CCN4: variants seen among roughly 807,000 people sequenced by gnomAD.
CCN4 encodes CCN family member 4.
Under a neutral mutation model 36.7 loss-of-function variants are expected in CCN4, and 30 were observed. The observed-to-expected ratio is 0.82, with a 90% CI of 0.61 to 1.11. The LOEUF (loss-of-function observed/expected upper bound fraction) is 1.11, where lower values mean the gene tolerates loss of function less well. Among genes scored for constraint, CCN4 ranks in the 50% least tolerant of loss-of-function variants. CCN4 has a pLI of 0.00. For missense variants in CCN4, 505 were observed against 504.9 expected (o/e 1.00, Z 0.00); for synonymous variants, 191 against 195.4 (o/e 0.98, Z 0.19).
At chr8:133,214,176 C>T (rs1156732154) in intron 2 of CCN4, among the ~76,000 whole-genome samples, 1 of 143,144 alleles carries the variant, frequency 7.0e-6, no homozygotes, top group Non-Finnish European at 1.5e-5. Context: ...ATAATTGCTA[C>T]TATAAAATGT....
At chr8:133,223,402 C>G (rs1166734943) in intron 3 of CCN4, among the ~76,000 whole-genome samples, 2 of 152,218 alleles carry the variant, frequency 1.3e-5, no homozygotes, top group Admixed American at 6.5e-5. Context: ...CCCTGCCCCT[C>G]CTGTCCTTGG....
rs758382879 is a variant in CCN4 at position 133,220,561 on chromosome 8, C to T, written c.350-20C>T. ...GGGGCACCAAGGCCACTGGGCCTGA[C>T]CGGCCACCTGTGTTTGCAGAGGTGG... is the stretch of plus-strand genomic sequence containing the variant. On this transcript the variant is annotated intron_variant, in intron 2 of 4. Coordinates refer to ENST00000250160, the MANE Select transcript of CCN4 (RefSeq NM_003882.4). The T allele has an allele frequency of 6.2e-7, 1 of 1,604,348 alleles. No homozygotes were observed. The highest frequency in any genetic ancestry group is 2.2e-5 in the East Asian group (1 of 44,542).
chr8:133,230,613 T>G lies in CCN4; in HGVS notation c.*2903T>G, dbSNP rs1485363929. Reference sequence around the variant, plus strand: ...CAGACCAAATAGATCATCACCTCTGTGGTCCCTTGTTAACTATATGTTCTG... The same window carrying G: ...CAGACCAAATAGATCATCACCTCTGGGGTCCCTTGTTAACTATATGTTCTG... On this transcript the variant is annotated 3_prime_UTR_variant, in exon 5 of 5. Transcript: ENST00000250160. 1 of 152,222 alleles carries G rather than the reference T, an allele frequency of 6.6e-6. No homozygotes were observed. Among genetic ancestry groups the G allele is most frequent in the African/African-American group, 2.4e-5 (1 of 41,456 alleles). The allele number at this position is 152,222 out of a possible 1,614,324, so 9.4% of individuals were successfully genotyped here. A position where few individuals can be genotyped will look rare whatever the true frequency, so the allele number is the denominator to read the frequency against.
chr8:133,215,855 G>C (rs931920404), intron 2 of CCN4, among the ~76,000 whole-genome samples: 26 of 152,166 alleles, frequency 1.7e-4, no homozygotes, highest in African/African-American at 6.3e-4. Context: ...GAAATTCTCA[G>C]AGGCTTCAAA....
chr8:133,195,081 CTT>C (rs1853325333), intron 1 of CCN4, among the ~76,000 whole-genome samples: 1 of 118,588 alleles, frequency 8.4e-6, no homozygotes, highest in Admixed American at 8.9e-5. Context: ...ATGTAGTGTG[CTT>C]GTGTGTGTGT....
Position 133,213,131 on chromosome 8 carries a change from G to A in CCN4, c.337G>A (p.Gly113Arg). Reference protein sequence around the residue: ...YSGDRPRYAIGVCAQVVGVGC... With the variant: ...YSGDRPRYAIRVCAQVVGVGC... ...CGGGGACCGCCCGAGGTACGCAATA[G>A]GAGTGTGTGCACGTAAGTGAGTCCT... The change falls in exon 2 of 5, where the codon GGA becomes AGA. Residue 113 changes from glycine to arginine, a missense_variant. Transcript: ENST00000250160. 3 of 1,584,706 alleles carry A rather than the reference G, an allele frequency of 1.9e-6. No individual in the cohort carries two copies. The highest frequency in any genetic ancestry group is 2.6e-6 in the Non-Finnish European group (3 of 1,167,996).
At chr8:133,205,375 CT>C (rs937875315) in intron 1 of CCN4, among the ~76,000 whole-genome samples, 38 of 152,250 alleles carry the variant, frequency 2.5e-4, no homozygotes, top group Non-Finnish European at 2.9e-4. Flanking sequence ...TTGTCTTTGT[CT>C]TTTTTTTCCC....
chr8:133,194,647 G>A lies in CCN4; in HGVS notation c.69+3434G>A, dbSNP rs114278040. Reference sequence around the variant, plus strand: ...TGTGTGGGGTGTGTGGGGTGTGTGCGTGTGTGCGTGTGTGGTGGGGGATGT... The same window carrying A: ...TGTGTGGGGTGTGTGGGGTGTGTGCATGTGTGCGTGTGTGGTGGGGGATGT... On this transcript the variant is annotated intron_variant, in intron 1 of 4. Transcript: ENST00000250160. Among the ~76,000 whole-genome samples the A allele has an allele frequency of 6.3e-3, 662 of 105,736 alleles. 4 individuals are homozygous for A. Among genetic ancestry groups the A allele is most frequent in the African/African-American group, 0.022 (589 of 26,950 alleles). 69.4% of individuals were successfully genotyped at this position (105,736 alleles called of 152,430 possible).
intron 3 of CCN4, among the ~76,000 whole-genome samples, chr8:133,221,055 A>G (rs1255798349): frequency 6.6e-6 from 1 of 152,262 alleles, no homozygotes; most frequent in Admixed American, 6.5e-5. Flanking sequence ...GGATCCTCCC[A>G]GCATAAAATG....
At chr8:133,215,781 C>G (rs555620627) in intron 2 of CCN4, among the ~76,000 whole-genome samples, 1 of 152,112 alleles carries the variant, frequency 6.6e-6, no homozygotes, top group South Asian at 2.1e-4. Context: ...TTACGCCTAC[C>G]AGTGGTTCCC....
rs144510130 is a variant in CCN4, at chr8:133,224,660, C to T, written c.611-730C>T. Among the ~76,000 whole-genome samples the T allele has an allele frequency of 4.5e-3, 689 of 152,028 alleles. 8 individuals are homozygous for T. Among genetic ancestry groups the T allele is most frequent in the African/African-American group, 0.015 (609 of 41,478 alleles). On this transcript the variant is annotated intron_variant, in intron 3 of 4. Coordinates refer to ENST00000250160, the MANE Select transcript of CCN4 (RefSeq NM_003882.4). ...TTTAAAACTCTTATTCCTGGTCAGGCGTGGTGGCTTATGCCTGTAATCCCA... is the reference window on the plus strand; with the variant it reads ...TTTAAAACTCTTATTCCTGGTCAGGTGTGGTGGCTTATGCCTGTAATCCCA...
chr8:133,217,699 C>T (rs1477564841), intron 2 of CCN4, among the ~76,000 whole-genome samples: 2 of 152,116 alleles, frequency 1.3e-5, no homozygotes, highest in African/African-American at 2.4e-5. Flanking sequence ...ACCTGGGGAA[C>T]TTTTAAAATA....
At position 133,213,268 on chromosome 8, in the gene CCN4, C is replaced by A. The variant is rs1854134324; in HGVS notation, c.349+125C>A. 7 of 1,211,148 alleles carry A rather than the reference C, an allele frequency of 5.8e-6. No homozygotes were observed. The South Asian group carries it at 1.1e-4, about 18-fold the overall frequency. 75.0% of individuals were successfully genotyped at this position (1,211,148 alleles called of 1,614,324 possible). On this transcript the variant is annotated intron_variant, in intron 2 of 4. Transcript: ENST00000250160. ...AGGCTTCCGTTCAGCAGGAGATACA[C>A]CCCATGATCAGAGGCCAGAGGCTGG... is the stretch of plus-strand genomic sequence containing the variant.
chr8:133,220,471 G>A (rs1427623824), intron 2 of CCN4, 110 bp from the exon 3 acceptor site: 2 of 1,479,228 alleles, frequency 1.4e-6, no homozygotes, highest in African/African-American at 2.8e-5. Context: ...CTCCATGCTG[G>A]GAGCCATCCC....
intron 1 of CCN4, among the ~76,000 whole-genome samples, chr8:133,207,432 T>C (rs537488830): frequency 6.6e-6 from 1 of 152,336 alleles, no homozygotes; most frequent in South Asian, 2.1e-4. Flanking sequence ...ATGAAATATT[T>C]GTTTTGCTCA....
At chr8:133,217,936 C>CACACACACACACACACACACACA (rs1854381190) in intron 2 of CCN4, among the ~76,000 whole-genome samples, 1 of 144,432 alleles carries the variant, frequency 6.9e-6, no homozygotes, top group East Asian at 2.1e-4. Flanking sequence ...ACTCCCTTCT[C>CACACACACACACACACACACACA]CACACACACA....
intron 2 of CCN4, 83 bp downstream of exon 2, chr8:133,213,226 C>G: frequency 1.3e-6 from 2 of 1,487,396 alleles, no homozygotes; most frequent in South Asian, 2.5e-5. Flanking sequence ...GGCACCCCCA[C>G]AGCCTTTCAC....
chr8:133,202,084 T>G (rs1420185841), intron 1 of CCN4, among the ~76,000 whole-genome samples: 1 of 152,214 alleles, frequency 6.6e-6, no homozygotes, highest in Non-Finnish European at 1.5e-5. Flanking sequence ...TCTAAAACTG[T>G]GAGAACATTC....
chr8:133,194,471 GT>G, intron 1 of CCN4, among the ~76,000 whole-genome samples: 2 of 111,664 alleles, frequency 1.8e-5, no homozygotes, highest in Admixed American at 9.5e-5. Context: ...TGTGGGGTGT[GT>G]GTGTGTGTGG....
Sources: allele counts gnomAD v4.1 joint callset (sites outside exome capture counted in the v4.1 genomes callset), GRCh38; gene constraint gnomAD v4.1.1; transcripts MANE v1.5; gene names NCBI Gene and HGNC (gene_info 2026-07-23, HGNC 2026-07-21).